Variants in C1orf141 observed in about 807,000 individuals in gnomAD.
C1orf141 encodes the protein chromosome 1 open reading frame 141.
C1orf141 carries 19 observed loss-of-function variants against 23.2 expected under a neutral mutation model. The observed-to-expected ratio is 0.82, with a 90% CI of 0.57 to 1.20. The LOEUF (loss-of-function observed/expected upper bound fraction) is 1.20. Among genes scored for constraint, C1orf141 ranks in the 50% most tolerant of loss-of-function variants. The pLI is 0.00. For missense variants in C1orf141, 469 were observed against 455.1 expected (o/e 1.03, Z -0.28); for synonymous variants, 153 against 154.6 (o/e 0.99, Z 0.08).
intron 5 of C1orf141, among the ~76,000 whole-genome samples, chr1:67,101,478 G>GTGTA (rs1645798271): frequency 6.6e-6 from 1 of 151,394 alleles, no homozygotes; most frequent in Non-Finnish European, 1.5e-5. Flanking sequence ...GTGTGTGTGT[G>GTGTA]TGTGTGTGTG....
At chr1:67,111,071 A>G (rs1047641865) in intron 5 of C1orf141, among the ~76,000 whole-genome samples, 1 of 151,910 alleles carries the variant, frequency 6.6e-6, no homozygotes, top group African/African-American at 2.4e-5. Context: ...GCTCAGAGCT[A>G]GTCACTCTTC....
At chr1:67,122,081 G>A (rs1315144497) in intron 4 of C1orf141, 1 of 152,264 alleles carries the variant, frequency 6.6e-6, no homozygotes, top group African/African-American at 2.4e-5. Flanking sequence ...TTGGTGCCCA[G>A]GCTGGAGTGC....
At chr1:67,127,370 A>G in intron 2 of C1orf141, 113 bp from the exon 3 acceptor site, 1 of 618,212 alleles carries the variant, frequency 1.6e-6, no homozygotes, top group South Asian at 2.2e-5. Flanking sequence ...AAATAATAGA[A>G]TTGTTTAAAT....
intron 5 of C1orf141, among the ~76,000 whole-genome samples, chr1:67,109,358 G>C (rs1326742767): frequency 7.4e-6 from 1 of 134,926 alleles, no homozygotes; most frequent in African/African-American, 3.1e-5. Context: ...AAAAAAAAAG[G>C]AATAAGGAGA....
At chr1:67,131,741 T>C (rs1348241832) in intron 1 of C1orf141, among the ~76,000 whole-genome samples, 1 of 151,544 alleles carries the variant, frequency 6.6e-6, no homozygotes, top group Admixed American at 6.6e-5. Context: ...TGTCTTCCAG[T>C]CAAAAGCCTA....
intron 5 of C1orf141, among the ~76,000 whole-genome samples, chr1:67,098,305 G>T (rs1241897017): frequency 5.9e-5 from 9 of 152,270 alleles, no homozygotes; most frequent in African/African-American, 2.2e-4. Context: ...TGGATCACTT[G>T]AGGTCAGGAG....
intron 5 of C1orf141, among the ~76,000 whole-genome samples, chr1:67,101,332 A>G (rs1427850976): frequency 1.3e-5 from 2 of 152,164 alleles, no homozygotes; most frequent in East Asian, 1.9e-4. Context: ...TATTGCTAAC[A>G]CAGACTTTGA....
At chr1:67,101,149 CA>C (rs564599770) in intron 5 of C1orf141, among the ~76,000 whole-genome samples, 281 of 152,130 alleles carry the variant, frequency 1.8e-3, no homozygotes, top group African/African-American at 6.5e-3. Flanking sequence ...GGTCACAGTC[CA>C]AAAATCATTT....
At position 67,131,897 on chromosome 1, in the gene C1orf141, G is replaced by A. The variant is rs370117733; in HGVS notation, c.-103-670C>T. ...CCTCCCGGGTTCAAGTGATTCTCCT[G>A]CCTCAGCCTCCTGAGTAGCTGGGAT... On this transcript the variant is annotated intron_variant, in intron 1 of 7. Coordinates refer to ENST00000684719, the MANE Select transcript of C1orf141 (RefSeq NM_001276351.2). Among the ~76,000 whole-genome samples, 60 of 147,430 alleles carry A rather than the reference G, an allele frequency of 4.1e-4. No homozygotes were observed. The East Asian group carries it at 0.011, about 28-fold the overall frequency.
intron 5 of C1orf141, among the ~76,000 whole-genome samples, chr1:67,100,968 C>T (rs10789222): frequency 0.88 from 134,207 of 151,968 alleles, 59,439 homozygotes; most frequent in East Asian, 0.97. Context: ...GTGGTGGTGG[C>T]GGTGAGTACT....
Position 67,125,814 on chromosome 1 carries a change from G to A in C1orf141, c.171C>T (p.Ser57=), listed in dbSNP as rs769884072. The A allele has an allele frequency of 9.3e-6, 15 of 1,613,526 alleles. No individual in the cohort carries two copies. The highest frequency in any genetic ancestry group is 3.3e-5 in the Admixed American group (2 of 59,968). Reference sequence around the variant, plus strand: ...TGATCTTTGATATTGCCTTAGACGCGGATGTAGCAAGAGCTTCTTCAAATT... The same window carrying A: ...TGATCTTTGATATTGCCTTAGACGCAGATGTAGCAAGAGCTTCTTCAAATT... ...QLEFEEALAT[S]ASKAISKIKE... The change falls in exon 4 of 8, where the codon TCC becomes TCT. Residue 57 remains serine (S), a synonymous_variant. Coordinates refer to ENST00000684719, the MANE Select transcript of C1orf141 (RefSeq NM_001276351.2).
intron 5 of C1orf141, among the ~76,000 whole-genome samples, chr1:67,105,097 C>T (rs528794904): frequency 6.1e-4 from 93 of 152,014 alleles, no homozygotes; most frequent in Non-Finnish European, 9.4e-4. Context: ...GAGGCCGAGG[C>T]GGGTGGATCA....
At chr1:67,107,782 C>T (rs988490998) in intron 5 of C1orf141, among the ~76,000 whole-genome samples, 1 of 152,104 alleles carries the variant, frequency 6.6e-6, no homozygotes, top group African/African-American at 2.4e-5. Flanking sequence ...CCCAGCTACT[C>T]GGCAGGCTGA....
At chr1:67,107,112 A>G (rs1464810854) in intron 5 of C1orf141, among the ~76,000 whole-genome samples, 2 of 152,234 alleles carry the variant, frequency 1.3e-5, no homozygotes, top group African/African-American at 4.8e-5. Context: ...AAATGGAACT[A>G]TACAATTTAA....
In C1orf141 at chr1:67,125,795, T is replaced by C. The variant is rs1051510228; in HGVS notation, c.190A>G (p.Lys64Glu). ...CTGCATGACTTGTCTTCTTTGATCT[T>C]TGATATTGCCTTAGACGCGGATGTA... ...LATSASKAIS[K>E]IKEDKSCSIT... Residue 64 changes from lysine (K) to glutamate (E), a missense_variant, in exon 4 of 8, where the codon AAG (lysine) becomes GAG (glutamate). By Grantham distance (56) the Lys-to-Glu change is moderately conservative. Transcript: ENST00000684719. The C allele has an allele frequency of 1.2e-6, 2 of 1,614,108 alleles. No individual in the cohort carries two copies. The highest frequency in any genetic ancestry group is 1.3e-5 in the African/African-American group (1 of 75,060).
chr1:67,108,351 A>AGG (rs1228053969), intron 5 of C1orf141, among the ~76,000 whole-genome samples: 2 of 152,156 alleles, frequency 1.3e-5, no homozygotes, highest in African/African-American at 2.4e-5. Flanking sequence ...CTCTTTTATA[A>AGG]GGTCACTAAT....
At chr1:67,131,977 G>T (rs1396464228) in intron 1 of C1orf141, among the ~76,000 whole-genome samples, 1 of 151,528 alleles carries the variant, frequency 6.6e-6, no homozygotes, top group Non-Finnish European at 1.5e-5. Flanking sequence ...TAGAGATGGG[G>T]TTTCACCATA....
chr1:67,117,293 T>C (rs1168803363), intron 4 of C1orf141, among the ~76,000 whole-genome samples: 5 of 152,146 alleles, frequency 3.3e-5, no homozygotes, highest in African/African-American at 1.2e-4. Context: ...TGTGGTGGCA[T>C]GTGCCTCTAG....
At chr1:67,127,646 T>G (rs543522296) in intron 2 of C1orf141, among the ~76,000 whole-genome samples, 7 of 152,106 alleles carry the variant, frequency 4.6e-5, no homozygotes, top group African/African-American at 1.7e-4. Flanking sequence ...TTGTCGTTGT[T>G]GTTGTTGAGA....
Sources: gnomAD v4.1 joint callset for allele counts (sites outside exome capture counted in the v4.1 genomes callset) on GRCh38, gnomAD v4.1.1 for gene constraint, MANE v1.5 for transcripts, NCBI Gene and HGNC (gene_info 2026-07-23, HGNC 2026-07-21) for gene names.